Variants in MEF2D observed in about 807,000 individuals in gnomAD.
MEF2D encodes the protein myocyte enhancer factor 2D, also known as myocyte-specific enhancer factor 2D.
A neutral mutation model predicts 59.3 loss-of-function variants in MEF2D; 10 were observed. The observed-to-expected ratio is 0.17, with a 90% CI of 0.10 to 0.29. The LOEUF (loss-of-function observed/expected upper bound fraction) is 0.29, where lower values mean the gene tolerates loss of function less well. Ranked by LOEUF, MEF2D falls within the 10% of genes least tolerant of loss-of-function variation. MEF2D has a pLI of 1.00. For missense variants in MEF2D, 508 were observed against 699.4 expected (o/e 0.73, Z 3.09); for synonymous variants, 305 against 295.0 (o/e 1.03, Z -0.35).
chr1:156,485,790 C>T (rs1289752669), intron 1 of MEF2D, among the ~76,000 whole-genome samples: 5 of 151,670 alleles, frequency 3.3e-5, no homozygotes, highest in African/African-American at 1.2e-4. Flanking sequence ...CTACCTCGGC[C>T]TTCCAAGTAG....
chr1:156,489,748 G>C (rs1305330419), intron 1 of MEF2D, among the ~76,000 whole-genome samples: 1 of 152,102 alleles, frequency 6.6e-6, no homozygotes, highest in Non-Finnish European at 1.5e-5. Flanking sequence ...GGGGCCCTTG[G>C]GGGCCTGGAC....
chr1:156,498,605 C>T (rs549641991), intron 1 of MEF2D, among the ~76,000 whole-genome samples: 12 of 151,238 alleles, frequency 7.9e-5, no homozygotes, highest in Admixed American at 5.3e-4. Flanking sequence ...CTTCCCCCCT[C>T]CCCCCCTTCC....
At chr1:156,489,603 G>A (rs941725681) in intron 1 of MEF2D, among the ~76,000 whole-genome samples, 26 of 151,738 alleles carry the variant, frequency 1.7e-4, no homozygotes, top group African/African-American at 6.1e-4. Context: ...CGGCTTCCAG[G>A]ACTGACTCCT....
At chr1:156,496,347 T>C (rs1673127569) in intron 1 of MEF2D, among the ~76,000 whole-genome samples, 1 of 151,832 alleles carries the variant, frequency 6.6e-6, no homozygotes, top group Non-Finnish European at 1.5e-5. Context: ...CGAAACTCTG[T>C]ACATCTGGAA....
At chr1:156,492,943 G>C (rs547158237) in intron 1 of MEF2D, among the ~76,000 whole-genome samples, 3 of 152,342 alleles carry the variant, frequency 2.0e-5, no homozygotes, top group Admixed American at 6.5e-5. Context: ...AAGTGCATGG[G>C]GTAATGAGGA....
chr1:156,472,502 G>T (rs527500153), intron 9 of MEF2D, among the ~76,000 whole-genome samples: 1 of 152,196 alleles, frequency 6.6e-6, no homozygotes, highest in East Asian at 1.9e-4. Flanking sequence ...CTCTTAACCT[G>T]CCACGAGGGG....
intron 1 of MEF2D, among the ~76,000 whole-genome samples, chr1:156,496,304 C>A (rs932666147): frequency 6.6e-6 from 1 of 152,158 alleles, no homozygotes; most frequent in Non-Finnish European, 1.5e-5. Flanking sequence ...AGCGACAAAC[C>A]ACCAAAACAC....
chr1:156,465,807 G>C lies in MEF2D; in HGVS notation c.*1838C>G, dbSNP rs1670803830. On this transcript the variant is annotated 3_prime_UTR_variant, in exon 12 of 12. Transcript: ENST00000348159. ...CCCCTCTGCTTCTGGTTCCTTCCCT[G>C]CATCAAGTATGGGAATACTGCAAGA... 1.3e-5 allele frequency: 2 copies of C among 152,170 alleles called. No homozygotes were observed. The highest frequency in any genetic ancestry group is 2.9e-5 in the Non-Finnish European group (2 of 68,044). 9.4% of individuals were successfully genotyped at this position (152,170 alleles called of 1,614,324 possible). A position where few individuals can be genotyped will look rare whatever the true frequency, so the allele number is the denominator to read the frequency against.
At chr1:156,478,073 G>A (rs578194757) in intron 6 of MEF2D, among the ~76,000 whole-genome samples, 2 of 152,332 alleles carry the variant, frequency 1.3e-5, no homozygotes, top group African/African-American at 4.8e-5. Flanking sequence ...CAGCTGGCTG[G>A]AGGCCAAGTG....
rs535862802 is a variant in MEF2D at position 156,481,797 on chromosome 1, G to A, written c.258+640C>T. 4.6e-5 allele frequency among the ~76,000 whole-genome samples: 7 copies of A among 152,356 alleles called. No homozygotes were observed. In the South Asian group the frequency reaches 6.2e-4, roughly 14 times the overall value. ...CCAAGGTGCACGCACCTCAGTGTGAGAAGCAGGGACATTCAATTCACACAG... is the reference window on the plus strand; with the variant it reads ...CCAAGGTGCACGCACCTCAGTGTGAAAAGCAGGGACATTCAATTCACACAG... On this transcript the variant is annotated intron_variant, in intron 3 of 11. Coordinates refer to ENST00000348159, the MANE Select transcript of MEF2D (RefSeq NM_005920.4).
In MEF2D at chr1:156,464,636, A is replaced by T. The variant is rs2101942388; in HGVS notation, c.*3009T>A. On this transcript the variant is annotated 3_prime_UTR_variant, in exon 12 of 12. Coordinates refer to ENST00000348159, the MANE Select transcript of MEF2D (RefSeq NM_005920.4). ...TCATCTGAGGTCTGGGTTCCCAGGG[A>T]CCCATTCATCTGGCCGCCCAGGAGC... is the stretch of plus-strand genomic sequence containing the variant. 6.6e-6 allele frequency: 1 copy of T among 152,206 alleles called. No homozygotes were observed. The highest frequency in any genetic ancestry group is 2.1e-4 in the South Asian group (1 of 4,816). The allele number at this position is 152,206 out of a possible 1,614,324, so 9.4% of individuals were successfully genotyped here.
At chr1:156,496,799 C>T (rs944320352) in intron 1 of MEF2D, among the ~76,000 whole-genome samples, 1 of 152,256 alleles carries the variant, frequency 6.6e-6, no homozygotes, top group Admixed American at 6.5e-5. Flanking sequence ...TTGGGCATGC[C>T]TGTCTACATG....
rs200044945 is a variant in MEF2D at position 156,481,426 on chromosome 1, TAGG to T, written c.259-458_259-456del. On this transcript the variant is annotated intron_variant, in intron 3 of 11. Coordinates refer to ENST00000348159, the MANE Select transcript of MEF2D (RefSeq NM_005920.4). ...CTGCTCCCAGTCCCTGGGCTCTGCT[TAGG>T]AGAATAGGAGGAAGAGAGAAATAGA... Among the ~76,000 whole-genome samples, 940 of 152,032 alleles carry T rather than the reference TAGG, an allele frequency of 6.2e-3. 15 individuals carry two copies. Among genetic ancestry groups the T allele is most frequent in the African/African-American group, 0.022 (902 of 41,432 alleles).
At chr1:156,470,156 C>T (rs1261993180) in intron 9 of MEF2D, among the ~76,000 whole-genome samples, 2 of 152,258 alleles carry the variant, frequency 1.3e-5, no homozygotes, top group African/African-American at 2.4e-5. Flanking sequence ...ATGATTTACA[C>T]AGCACTATTG....
intron 1 of MEF2D, among the ~76,000 whole-genome samples, chr1:156,500,115 T>A (rs1311246419): frequency 6.6e-6 from 1 of 152,100 alleles, no homozygotes; most frequent in Non-Finnish European, 1.5e-5. Flanking sequence ...CGCTCCCGAC[T>A]GTCACCGGAG....
rs1235766696 is a variant in MEF2D at position 156,467,100 on chromosome 1, A to C, written c.*545T>G. 1.3e-5 allele frequency: 2 copies of C among 152,694 alleles called. No individual in the cohort carries two copies. Among genetic ancestry groups the C allele is most frequent in the African/African-American group, 2.4e-5 (1 of 41,460 alleles). The allele number at this position is 152,694 out of a possible 1,614,324, so 9.5% of individuals were successfully genotyped here. A position where few individuals can be genotyped will look rare whatever the true frequency, so the allele number is the denominator to read the frequency against. On this transcript the variant is annotated 3_prime_UTR_variant, in exon 12 of 12. Transcript: ENST00000348159. Reference sequence around the variant, plus strand: ...TTCTGCTCCATGTGCCTATGGCTACATGAACACAAAAACAGAGACCCTTTT... The same window carrying C: ...TTCTGCTCCATGTGCCTATGGCTACCTGAACACAAAAACAGAGACCCTTTT...
intron 1 of MEF2D, among the ~76,000 whole-genome samples, chr1:156,486,572 G>A (rs1672377285): frequency 6.6e-6 from 1 of 152,194 alleles, no homozygotes; most frequent in South Asian, 2.1e-4. Context: ...TTGCAGAGAT[G>A]TAACCTCTGT....
At chr1:156,495,516 T>C (rs865868587) in intron 1 of MEF2D, among the ~76,000 whole-genome samples, 26 of 152,068 alleles carry the variant, frequency 1.7e-4, no homozygotes, top group Middle Eastern at 3.4e-3. Flanking sequence ...TCAAAAGTTT[T>C]GGTTTTTGGG....
chr1:156,473,443 C>T (rs1671373364), intron 9 of MEF2D, among the ~76,000 whole-genome samples: 1 of 152,174 alleles, frequency 6.6e-6, no homozygotes, highest in Non-Finnish European at 1.5e-5. Context: ...AGACTAAACT[C>T]ATCAAAGGAA....
Sources: gnomAD v4.1 joint callset for allele counts (sites outside exome capture counted in the v4.1 genomes callset) on GRCh38, gnomAD v4.1.1 for gene constraint, MANE v1.5 for transcripts, NCBI Gene and HGNC (gene_info 2026-07-23, HGNC 2026-07-21) for gene names.